The following MATCAP1 variants were observed in gnomAD, a reference collection of about 807,000 sequenced individuals.
MATCAP1 encodes microtubule associated tyrosine carboxypeptidase 1.
chr16:67,180,310 G>A, the MATCAP1 span: 2 of 1,612,364 alleles, frequency 1.2e-6, no homozygotes, highest in South Asian at 1.1e-5. Context: ...CGTCCAGGTG[G>A]AGGCCGTCCC....
chr16:67,178,759 A>G, the MATCAP1 span: 177 of 658,768 alleles, frequency 2.7e-4, 1 homozygote, highest in Non-Finnish European at 9.0e-5. Flanking sequence ...CCCCCACCCT[A>G]CACCCACGCA....
chr16:67,179,260 C>T, the MATCAP1 span: 1 of 1,459,464 alleles, frequency 6.9e-7, no homozygotes, highest in East Asian at 2.4e-5. This position sits in a 1 kb window ranked among gnomAD's most constrained non-coding sequence, Gnocchi z 5.2. Flanking sequence ...TTCTGGCCTA[C>T]CTCTGTAAGC....
At chr16:67,178,166 G>A in the MATCAP1 span, 1,450 of 414,186 alleles carry the variant, frequency 3.5e-3, 14 homozygotes, top group African/African-American at 0.034. Flanking sequence ...CCCCCACCCC[G>A]GCTCTAGGCA....
the MATCAP1 span, chr16:67,178,123 G>A: frequency 1.2e-6 from 2 of 1,606,642 alleles, no homozygotes; most frequent in South Asian, 1.1e-5. Context: ...AGGGCAGGAG[G>A]GCGGTGAGCC....
the MATCAP1 span, chr16:67,179,609 G>T: frequency 6.4e-7 from 1 of 1,568,074 alleles, no homozygotes; most frequent in Non-Finnish European, 8.8e-7. The surrounding 1 kb of genome is among the most constrained non-coding windows in gnomAD (Gnocchi z 5.2). Context: ...CTGGGGCCAG[G>T]GTGCAGGTGG....
At chr16:67,178,466 G>A in the MATCAP1 span, 1 of 1,532,786 alleles carries the variant, frequency 6.5e-7, no homozygotes, top group Non-Finnish European at 8.7e-7. Flanking sequence ...TTGTGCCACG[G>A]CTGGCGCGCG....
chr16:67,179,703 A>T, the MATCAP1 span: 6 of 1,521,628 alleles, frequency 3.9e-6, no homozygotes, highest in Non-Finnish European at 9.0e-7. This position sits in a 1 kb window ranked among gnomAD's most constrained non-coding sequence, Gnocchi z 5.2. Flanking sequence ...ACCAGCTCCC[A>T]CCTCACTGGG....
chr16:67,177,693 G>A, the MATCAP1 span, among the ~76,000 whole-genome samples: 4 of 152,150 alleles, frequency 2.6e-5, no homozygotes, highest in Non-Finnish European at 5.9e-5. Flanking sequence ...TCCTCGGCCT[G>A]GCACAAATGC....
At chr16:67,180,894 C>T in the MATCAP1 span, among the ~76,000 whole-genome samples, 1 of 152,210 alleles carries the variant, frequency 6.6e-6, no homozygotes, top group African/African-American at 2.4e-5. Context: ...CAGGGTCTCA[C>T]TCTGTTGCCC....
the MATCAP1 span, among the ~76,000 whole-genome samples, chr16:67,177,632 C>A: frequency 1.3e-5 from 2 of 152,174 alleles, no homozygotes; most frequent in African/African-American, 4.8e-5. Context: ...CAGAGTCACT[C>A]CTCTGCTTAA....
the MATCAP1 span, chr16:67,178,460 G>C: frequency 1.3e-6 from 2 of 1,533,600 alleles, no homozygotes; most frequent in Non-Finnish European, 8.7e-7. Context: ...TCCGCGTTGT[G>C]CCACGGCTGG....
At chr16:67,179,173 G>A in the MATCAP1 span, 30 of 1,302,464 alleles carry the variant, frequency 2.3e-5, no homozygotes, top group Non-Finnish European at 2.7e-5. The surrounding 1 kb of genome is among the most constrained non-coding windows in gnomAD (Gnocchi z 5.2). Flanking sequence ...GGGAGAAGTC[G>A]GAGAGGAAGT....
the MATCAP1 span, chr16:67,179,818 C>T: frequency 2.3e-5 from 37 of 1,614,084 alleles, no homozygotes; most frequent in Non-Finnish European, 2.8e-5. The surrounding 1 kb of genome is among the most constrained non-coding windows in gnomAD (Gnocchi z 5.2). Flanking sequence ...AGCTCACCTC[C>T]CCAGCGCAGC....
the MATCAP1 span, chr16:67,183,870 A>G: frequency 1.1e-5 from 2 of 175,604 alleles, no homozygotes; most frequent in African/African-American, 4.8e-5. Context: ...CCGTGCCCCC[A>G]CCTGTTAGCT....
the MATCAP1 span, chr16:67,178,598 C>G: frequency 1.5e-5 from 16 of 1,083,824 alleles, 1 homozygote; most frequent in Middle Eastern, 9.7e-4. Context: ...GGCCGGGGCT[C>G]TGGCCGCGAC....
the MATCAP1 span, chr16:67,179,256 C>T: frequency 6.9e-7 from 1 of 1,451,950 alleles, no homozygotes; most frequent in South Asian, 1.5e-5. The surrounding 1 kb of genome is among the most constrained non-coding windows in gnomAD (Gnocchi z 5.2). Flanking sequence ...CATGTTCTGG[C>T]CTACCTCTGT....
the MATCAP1 span, chr16:67,177,981 G>T: frequency 1.9e-6 from 3 of 1,579,908 alleles, no homozygotes; most frequent in Non-Finnish European, 2.6e-6. Context: ...GGAGCTGGCT[G>T]GGACCTCTGA....
the MATCAP1 span, chr16:67,179,412 G>A: frequency 7.5e-5 from 119 of 1,590,590 alleles, no homozygotes; most frequent in South Asian, 5.0e-4. This position sits in a 1 kb window ranked among gnomAD's most constrained non-coding sequence, Gnocchi z 5.2. Context: ...CCATCTGCCC[G>A]GATACCCACA....
At chr16:67,177,042 C>G in the MATCAP1 span, 1 of 1,388,458 alleles carries the variant, frequency 7.2e-7, no homozygotes, top group Non-Finnish European at 9.6e-7. Context: ...TGGTCCCAGC[C>G]CACTGCTTAC....
Sources: gnomAD v4.1 joint callset for allele counts (sites outside exome capture counted in the v4.1 genomes callset) on GRCh38, gnomAD v4.1.1 for gene constraint, Gnocchi (gnomAD v3.1) non-coding constraint, MANE v1.5 for transcripts, NCBI Gene and HGNC (gene_info 2026-07-23, HGNC 2026-07-21) for gene names.